Variants in ARB2A observed in about 807,000 individuals in gnomAD.
ARB2A encodes the protein ARB2 cotranscriptional regulator A, also known as cotranscriptional regulator ARB2A.
At chr5:93,913,371 A>C in the ARB2A span, among the ~76,000 whole-genome samples, 1 of 151,942 alleles carries the variant, frequency 6.6e-6, no homozygotes, top group Non-Finnish European at 1.5e-5. Context: ...GGTCATGTTC[A>C]GCTAAGACTC....
At chr5:93,781,975 A>G in the ARB2A span, 1 of 968,270 alleles carries the variant, frequency 1.0e-6, no homozygotes, top group Non-Finnish European at 1.2e-6. Context: ...AAGAAAGGAG[A>G]AAGAAAAGGG....
chr5:93,912,988 T>C, the ARB2A span, among the ~76,000 whole-genome samples: 1 of 151,916 alleles, frequency 6.6e-6, no homozygotes, highest in East Asian at 1.9e-4. Context: ...GTATCAAAGT[T>C]CTTTCAGAGA....
At chr5:93,838,814 T>C in the ARB2A span, among the ~76,000 whole-genome samples, 1 of 152,192 alleles carries the variant, frequency 6.6e-6, no homozygotes. Context: ...CAATTGTGAA[T>C]AGGACTGTGT....
chr5:94,099,578 C>T, the ARB2A span, among the ~76,000 whole-genome samples: 6 of 138,576 alleles, frequency 4.3e-5, no homozygotes, highest in South Asian at 2.4e-4. Flanking sequence ...GAGCCGAGAT[C>T]GCGCCACTGC....
chr5:93,803,713 T>TAAA, the ARB2A span, among the ~76,000 whole-genome samples: 41 of 141,362 alleles, frequency 2.9e-4, no homozygotes, highest in Non-Finnish European at 5.7e-4. Context: ...ACTTAAAAGT[T>TAAA]AAAAAAAAAA....
the ARB2A span, among the ~76,000 whole-genome samples, chr5:93,820,614 A>T: frequency 9.2e-5 from 14 of 152,194 alleles, no homozygotes; most frequent in African/African-American, 3.4e-4. Context: ...GTGTAAAGTA[A>T]AATTTGTAAG....
At chr5:93,763,275 C>A in the ARB2A span, among the ~76,000 whole-genome samples, 2 of 152,242 alleles carry the variant, frequency 1.3e-5, no homozygotes, top group South Asian at 2.1e-4. Context: ...AGTCAAGACC[C>A]ATCAGTGTGC....
chr5:93,966,473 T>C, the ARB2A span, among the ~76,000 whole-genome samples: 1 of 152,120 alleles, frequency 6.6e-6, no homozygotes, highest in African/African-American at 2.4e-5. Context: ...AAAAATTGCT[T>C]ATTTAGCTTT....
chr5:93,690,033 A>G, the ARB2A span, among the ~76,000 whole-genome samples: 1 of 152,082 alleles, frequency 6.6e-6, no homozygotes, highest in South Asian at 2.1e-4. Flanking sequence ...CAGATACTAC[A>G]CTTTTCCCAT....
At chr5:93,672,198 T>C in the ARB2A span, among the ~76,000 whole-genome samples, 1 of 152,160 alleles carries the variant, frequency 6.6e-6, no homozygotes, top group Non-Finnish European at 1.5e-5. Flanking sequence ...GGCATGACAA[T>C]GTTCAATACT....
At chr5:94,066,141 A>G in the ARB2A span, among the ~76,000 whole-genome samples, 1 of 152,162 alleles carries the variant, frequency 6.6e-6, no homozygotes, top group Non-Finnish European at 1.5e-5. Context: ...GACTGCCTTG[A>G]AGCAAATGAA....
the ARB2A span, among the ~76,000 whole-genome samples, chr5:93,650,598 AT>A: frequency 4.6e-5 from 7 of 152,158 alleles, no homozygotes; most frequent in African/African-American, 1.4e-4. Flanking sequence ...GGAGAAAAAA[AT>A]ATTTGAAGAA....
At chr5:93,953,323 T>C in the ARB2A span, among the ~76,000 whole-genome samples, 3 of 152,190 alleles carry the variant, frequency 2.0e-5, no homozygotes, top group Non-Finnish European at 2.9e-5. Flanking sequence ...CCGAAGGCAC[T>C]TGGGTATTGT....
At chr5:94,003,558 T>G in the ARB2A span, among the ~76,000 whole-genome samples, 2 of 152,118 alleles carry the variant, frequency 1.3e-5, no homozygotes, top group East Asian at 3.8e-4. Flanking sequence ...TCAATTCTAT[T>G]TCCATATACT....
At chr5:94,098,954 A>G in the ARB2A span, among the ~76,000 whole-genome samples, 6 of 152,286 alleles carry the variant, frequency 3.9e-5, no homozygotes, top group East Asian at 1.9e-4. Context: ...TGAACAGACC[A>G]TTAACGAGCT....
At chr5:93,798,696 T>C in the ARB2A span, among the ~76,000 whole-genome samples, 1 of 152,128 alleles carries the variant, frequency 6.6e-6, no homozygotes, top group African/African-American at 2.4e-5. Context: ...GTGACTTAGG[T>C]GTCACCTCTA....
the ARB2A span, chr5:93,621,149 C>T: frequency 6.3e-7 from 1 of 1,585,388 alleles, no homozygotes; most frequent in Middle Eastern, 1.7e-4. Flanking sequence ...ACAACACATT[C>T]GGTTACCAGG....
chr5:94,050,226 C>T, the ARB2A span, among the ~76,000 whole-genome samples: 2 of 151,450 alleles, frequency 1.3e-5, no homozygotes, highest in African/African-American at 2.4e-5. Context: ...AGGTGTGAGC[C>T]ACCACAGCTC....
chr5:93,693,944 C>A, the ARB2A span, among the ~76,000 whole-genome samples: 2 of 152,114 alleles, frequency 1.3e-5, no homozygotes, highest in Non-Finnish European at 2.9e-5. Flanking sequence ...AAAAAAACCA[C>A]ATGATTATCT....
Sources: allele counts gnomAD v4.1 joint callset (sites outside exome capture counted in the v4.1 genomes callset), GRCh38; gene constraint gnomAD v4.1.1; transcripts MANE v1.5; gene names NCBI Gene and HGNC (gene_info 2026-07-23, HGNC 2026-07-21).